Variants in GARIN5B observed in about 807,000 individuals in gnomAD.
The protein encoded by GARIN5B is golgi associated RAB2 interactor family member 5B, also known as Golgi-associated RAB2 interactor protein 5B.
chr19:55,363,074 G>T, the GARIN5B span: 64 of 1,494,500 alleles, frequency 4.3e-5, no homozygotes, highest in Non-Finnish European at 5.1e-5. The surrounding 1 kb of genome is among the most constrained non-coding windows in gnomAD (Gnocchi z 4.0). Context: ...CATGGTGGCT[G>T]TGGTGGATGG....
the GARIN5B span, chr19:55,361,468 G>A: frequency 6.8e-7 from 1 of 1,465,480 alleles, no homozygotes; most frequent in East Asian, 2.5e-5. Context: ...AGGGGCCCGG[G>A]CTTCCACATC....
the GARIN5B span, chr19:55,358,464 G>C: frequency 6.5e-7 from 1 of 1,531,148 alleles, no homozygotes; most frequent in Non-Finnish European, 8.8e-7. Flanking sequence ...GCAGAGGTGG[G>C]CTTGGAGCGA....
chr19:55,359,100 C>A, the GARIN5B span: 1 of 1,551,318 alleles, frequency 6.4e-7, no homozygotes, highest in African/African-American at 1.4e-5. Flanking sequence ...CGCACCGTCA[C>A]CACCGGCTCC....
the GARIN5B span, chr19:55,358,466 T>C: frequency 6.5e-7 from 1 of 1,531,804 alleles, no homozygotes; most frequent in East Asian, 2.5e-5. Context: ...AGAGGTGGGC[T>C]TGGAGCGAAA....
the GARIN5B span, chr19:55,361,005 T>G: frequency 1.3e-6 from 2 of 1,550,942 alleles, no homozygotes; most frequent in East Asian, 2.4e-5. Flanking sequence ...CCCACTTCTT[T>G]TCTGCAGGTT....
At chr19:55,358,354 T>G in the GARIN5B span, 1 of 1,523,638 alleles carries the variant, frequency 6.6e-7, no homozygotes, top group Non-Finnish European at 8.8e-7. Flanking sequence ...CCTCCATCTT[T>G]GAGATGAGGG....
chr19:55,359,638 A>G, the GARIN5B span: 193 of 1,550,650 alleles, frequency 1.2e-4, no homozygotes, highest in Non-Finnish European at 1.6e-4. Context: ...ACGGTGCCTT[A>G]CAAGATGTGA....
the GARIN5B span, chr19:55,362,438 C>T: frequency 1.4e-5 from 22 of 1,549,992 alleles, no homozygotes; most frequent in African/African-American, 1.2e-4. Flanking sequence ...CGAGACCAGG[C>T]GCAGCTTCAG....
At chr19:55,363,210 G>T in the GARIN5B span, 1 of 828,502 alleles carries the variant, frequency 1.2e-6, no homozygotes, top group Non-Finnish European at 1.7e-6. The surrounding 1 kb of genome is among the most constrained non-coding windows in gnomAD (Gnocchi z 4.0). Flanking sequence ...GCCCCAGGCT[G>T]GGAGACTCGG....
chr19:55,359,767 C>T, the GARIN5B span: 57 of 1,551,166 alleles, frequency 3.7e-5, no homozygotes, highest in Admixed American at 1.8e-4. Context: ...GGCAGGCAGC[C>T]GGGGGATAGG....
At chr19:55,359,755 G>A in the GARIN5B span, 8 of 1,551,326 alleles carry the variant, frequency 5.2e-6, no homozygotes, top group Admixed American at 2.0e-5. Flanking sequence ...AGGGTGTGGA[G>A]AGGCAGGCAG....
the GARIN5B span, chr19:55,362,664 G>A: frequency 6.5e-7 from 1 of 1,546,550 alleles, no homozygotes. Context: ...CTGGCAGGGA[G>A]GCGGCCACGC....
the GARIN5B span, among the ~76,000 whole-genome samples, chr19:55,356,118 T>A: frequency 6.6e-6 from 1 of 151,726 alleles, no homozygotes; most frequent in African/African-American, 2.4e-5. Context: ...AGCTCACCCC[T>A]GTAATCCCAG....
chr19:55,358,876 C>G, the GARIN5B span: 10 of 1,549,600 alleles, frequency 6.5e-6, no homozygotes, highest in Non-Finnish European at 7.9e-6. Flanking sequence ...GCTCCAACTC[C>G]TTGGATCTCA....
At chr19:55,358,788 C>T in the GARIN5B span, 1 of 1,549,392 alleles carries the variant, frequency 6.5e-7, no homozygotes, top group South Asian at 1.2e-5. Flanking sequence ...GTGAGCGCTT[C>T]CACAGAGAAG....
the GARIN5B span, chr19:55,361,159 AC>A: frequency 6.4e-7 from 1 of 1,550,922 alleles, no homozygotes; most frequent in Non-Finnish European, 8.7e-7. Context: ...GGCCCACACC[AC>A]CCCGCCGGCT....
At chr19:55,358,400 G>A in the GARIN5B span, 36 of 1,505,140 alleles carry the variant, frequency 2.4e-5, no homozygotes, top group Non-Finnish European at 2.7e-5. Context: ...GTCCTCCCAC[G>A]GTGAGGCGGT....
the GARIN5B span, chr19:55,358,836 G>C: frequency 6.5e-7 from 1 of 1,546,904 alleles, no homozygotes; most frequent in Non-Finnish European, 8.7e-7. Flanking sequence ...TCGACGGCCA[G>C]TTCCTTGGCC....
At chr19:55,359,873 C>A in the GARIN5B span, 1 of 1,551,514 alleles carries the variant, frequency 6.4e-7, no homozygotes, top group Non-Finnish European at 8.7e-7. Context: ...CAGGGAGCTG[C>A]AGGAGCCCAG....
Sources: gnomAD v4.1 joint callset for allele counts (sites outside exome capture counted in the v4.1 genomes callset) on GRCh38, gnomAD v4.1.1 for gene constraint, Gnocchi (gnomAD v3.1) non-coding constraint, MANE v1.5 for transcripts, NCBI Gene and HGNC (gene_info 2026-07-23, HGNC 2026-07-21) for gene names.